FBN2: variants seen among roughly 807,000 people sequenced by gnomAD.
FBN2 encodes fibrillin-2.
FBN2 carries 105 observed loss-of-function variants against 355.6 expected under a neutral mutation model. That is an observed-to-expected ratio of 0.30 (90% CI 0.25 to 0.35). The LOEUF (loss-of-function observed/expected upper bound fraction) is 0.35, where lower values mean the gene tolerates loss of function less well. Ranked by LOEUF, FBN2 falls within the 10% of genes least tolerant of loss-of-function variation. The probability of loss-of-function intolerance (pLI) is 1.00; values close to 1 mark genes in which losing one functional copy is unlikely to be tolerated. For synonymous variants in FBN2, 1,350 were observed against 1,301.2 expected (o/e 1.04, Z -0.81); for missense variants, 3,280 against 3,758.7 (o/e 0.87, Z 3.33).
At chr5:128,374,484 C>T in intron 15 of FBN2, 144 bp downstream of exon 15, 3 of 1,146,150 alleles carry the variant, frequency 2.6e-6, no homozygotes, top group East Asian at 2.4e-5. Flanking sequence ...GCTTCTTTCA[C>T]TTAGCATAAT....
chr5:128,300,712 G>T, intron 48 of FBN2, 105 bp downstream of exon 48: 2 of 1,124,010 alleles, frequency 1.8e-6, no homozygotes, highest in Non-Finnish European at 2.7e-6. Flanking sequence ...TAATTCCTTA[G>T]GTCAGCATGC....
At chr5:128,528,014 T>C (rs1756607849) in intron 3 of FBN2, 47 bp from the exon 4 acceptor site, 2 of 1,213,824 alleles carry the variant, frequency 1.6e-6, no homozygotes, top group East Asian at 4.7e-5. Flanking sequence ...GTCATCAAAA[T>C]TATAGTATAT....
At position 128,312,629 on chromosome 5, in the gene FBN2, C is replaced by T; in HGVS notation, c.4879+5G>A. On this transcript the variant is annotated splice_donor_5th_base_variant and intron_variant, in intron 37 of 64. Coordinates refer to ENST00000262464, the MANE Select transcript of FBN2 (RefSeq NM_001999.4). Reference sequence around the variant, plus strand: ...TTTCTTCCTCTTCTTCAGCTTTGTACTTACTGCTATTGACAGGGGGGCATG... The same window carrying T: ...TTTCTTCCTCTTCTTCAGCTTTGTATTTACTGCTATTGACAGGGGGGCATG... 1 of 1,614,080 alleles carries T rather than the reference C, an allele frequency of 6.2e-7. No homozygotes were observed. Among genetic ancestry groups the T allele is most frequent in the Non-Finnish European group, 8.5e-7 (1 of 1,179,996 alleles).
chr5:128,445,830 A>G (rs892331308), intron 7 of FBN2, among the ~76,000 whole-genome samples: 1 of 152,210 alleles, frequency 6.6e-6, no homozygotes, highest in Non-Finnish European at 1.5e-5. Flanking sequence ...GGTTTTGATC[A>G]CAGATATATA....
In FBN2 at chr5:128,484,009, C is replaced by T. The variant is rs1254618509; in HGVS notation, c.629-19088G>A. On this transcript the variant is annotated intron_variant, in intron 5 of 64. Coordinates refer to ENST00000262464, the MANE Select transcript of FBN2 (RefSeq NM_001999.4). ...ATGGATTGGGCTGCCTAATATACTT[C>T]CAGAAAGCGAATTACATATGGAATG... 3.3e-5 allele frequency among the ~76,000 whole-genome samples: 5 copies of T among 152,038 alleles called. No individual in the cohort carries two copies. In the East Asian group the frequency reaches 9.7e-4, roughly 29 times the overall value.
intron 8 of FBN2, among the ~76,000 whole-genome samples, chr5:128,400,813 T>C (rs1206460899): frequency 6.6e-6 from 1 of 152,178 alleles, no homozygotes; most frequent in Non-Finnish European, 1.5e-5. Context: ...AATGCTGATA[T>C]GGTTTGGTTG....
intron 38 of FBN2, 123 bp from the exon 39 acceptor site, chr5:128,311,548 A>T (rs926287341): frequency 1.0e-6 from 1 of 1,000,980 alleles, no homozygotes; most frequent in Non-Finnish European, 1.5e-6. Context: ...ATGAACGCAC[A>T]CTTAGATGGC....
chr5:128,419,698 T>G (rs1753294856), intron 7 of FBN2, among the ~76,000 whole-genome samples: 1 of 152,126 alleles, frequency 6.6e-6, no homozygotes, highest in Non-Finnish European at 1.5e-5. Flanking sequence ...ATGTATAATT[T>G]TTTTTGTTTT....
Position 128,276,020 on chromosome 5 carries a change from C to T in FBN2, c.7594+18G>A. The T allele has an allele frequency of 1.9e-6, 3 of 1,613,258 alleles. No individual in the cohort carries two copies. In the South Asian group the frequency reaches 3.3e-5, roughly 18 times the overall value. Reference sequence around the variant, plus strand: ...AGATACAGACTAGGGTCACGATTGTCAGAGACTCTTCACTCACCTTTGCAT... The same window carrying T: ...AGATACAGACTAGGGTCACGATTGTTAGAGACTCTTCACTCACCTTTGCAT... On this transcript the variant is annotated intron_variant, in intron 59 of 64. Transcript: ENST00000262464.
chr5:128,337,851 C>G, intron 27 of FBN2, 146 bp downstream of exon 27: 1 of 842,022 alleles, frequency 1.2e-6, no homozygotes, highest in African/African-American at 1.7e-5. Context: ...AAAGACACAG[C>G]CTGCATCCAG....
At chr5:128,522,247 C>A (rs1756451207) in intron 4 of FBN2, among the ~76,000 whole-genome samples, 1 of 152,180 alleles carries the variant, frequency 6.6e-6, no homozygotes, top group Admixed American at 6.5e-5. Context: ...GCCTTTGAAT[C>A]CCTGTCACCT....
At chr5:128,330,384 A>C (rs1449544599) in intron 33 of FBN2, among the ~76,000 whole-genome samples, 189 bp downstream of exon 33, 1 of 152,244 alleles carries the variant, frequency 6.6e-6, no homozygotes, top group East Asian at 1.9e-4. Flanking sequence ...ACTTCCAACA[A>C]TATATTTGGA....
At chr5:128,472,769 C>T (rs1754901531) in intron 5 of FBN2, among the ~76,000 whole-genome samples, 1 of 146,848 alleles carries the variant, frequency 6.8e-6, no homozygotes, top group South Asian at 2.2e-4. Flanking sequence ...CCAGCCTGGG[C>T]AACAAGAGCA....
Position 128,431,143 on chromosome 5 carries a change from T to C in FBN2, c.952+15338A>G, listed in dbSNP as rs1753616534. ...GAGTAGAAAAAATAGGAGGTGATAG[T>C]TGGGAATAAGTAAGGTAGATCTACA... On this transcript the variant is annotated intron_variant, in intron 7 of 64. Transcript: ENST00000262464. Among the ~76,000 whole-genome samples, 2 of 152,150 alleles carry C rather than the reference T, an allele frequency of 1.3e-5. 1 individual carries two copies. Among genetic ancestry groups the C allele is most frequent in the South Asian group, 4.1e-4 (2 of 4,836 alleles).
rs1467693265 is a variant in FBN2, at chr5:128,536,432, T to A, written c.307A>T (p.Thr103Ser). The change falls in exon 2 of 65, where the codon ACG becomes TCG. Residue 103 changes from threonine to serine, a missense_variant. Thr to Ser is a moderately conservative substitution (Grantham distance 58). This residue lies in a region of FBN2 where 203 missense variants were observed against 142.2 expected (regional missense o/e 1.43). Coordinates refer to ENST00000262464, the MANE Select transcript of FBN2 (RefSeq NM_001999.4). ...FHSYCCPGWK[T>S]LPGGNQCIVP... ...ATGCACTGGTTTCCTCCAGGGAGCG[T>A]CTTCCATCCAGGGCAGCAGTAGGAG... 1.2e-6 allele frequency: 2 copies of A among 1,613,982 alleles called. No individual in the cohort carries two copies. Among genetic ancestry groups the A allele is most frequent in the African/African-American group, 2.7e-5 (2 of 74,930 alleles).
chr5:128,345,079 G>A (rs1201660275), intron 24 of FBN2, among the ~76,000 whole-genome samples: 3 of 152,160 alleles, frequency 2.0e-5, no homozygotes, highest in African/African-American at 4.8e-5. Flanking sequence ...GTGGGAATAG[G>A]TAACTTTTTG....
intron 5 of FBN2, among the ~76,000 whole-genome samples, chr5:128,505,402 A>G (rs988078746): frequency 2.6e-5 from 4 of 152,242 alleles, no homozygotes; most frequent in Non-Finnish European, 2.9e-5. Flanking sequence ...CATTAATCCC[A>G]AAACCTAAAC....
intron 5 of FBN2, among the ~76,000 whole-genome samples, chr5:128,500,153 T>A (rs974150437): frequency 5.9e-5 from 9 of 151,988 alleles, no homozygotes; most frequent in Non-Finnish European, 1.2e-4. Flanking sequence ...ACTTTTTAAA[T>A]GTGATAAAAA....
intron 55 of FBN2, among the ~76,000 whole-genome samples, chr5:128,282,041 T>G (rs1270570756): frequency 6.6e-6 from 1 of 152,148 alleles, no homozygotes; most frequent in Non-Finnish European, 1.5e-5. Context: ...TCTGACCATG[T>G]CTTCTTTTGT....
Sources: gnomAD v4.1 joint callset for allele counts (sites outside exome capture counted in the v4.1 genomes callset) on GRCh38, gnomAD v4.1.1 for gene constraint, gnomAD v4.1.1 regional missense constraint, MANE v1.5 for transcripts, NCBI Gene and HGNC (gene_info 2026-07-23, HGNC 2026-07-21) for gene names.